Variants in RXRB observed in about 807,000 individuals in gnomAD.
RXRB encodes the protein retinoid X receptor beta.
Under a neutral mutation model 52.5 loss-of-function variants are expected in RXRB, and 18 were observed. That is an observed-to-expected ratio of 0.34 (90% confidence interval 0.24 to 0.51). The LOEUF is 0.51. RXRB is among the 20% of genes least tolerant of loss of function. The probability of loss-of-function intolerance (pLI) is 0.97; values close to 1 mark genes in which losing one functional copy is unlikely to be tolerated. For synonymous variants in RXRB, 233 were observed against 267.1 expected (o/e 0.87, Z 1.25); for missense variants, 455 against 698.2 (o/e 0.65, Z 3.92).
chr6:33,195,067 G>A lies in RXRB; in HGVS notation c.1349-17C>T. 6.4e-7 allele frequency: 1 copy of A among 1,559,518 alleles called. No homozygotes were observed. Among genetic ancestry groups the A allele is most frequent in the Non-Finnish European group, 8.8e-7 (1 of 1,131,564 alleles). On this transcript the variant is annotated splice_polypyrimidine_tract_variant and intron_variant, in intron 8 of 9. Coordinates refer to ENST00000374680, the MANE Select transcript of RXRB (RefSeq NM_021976.5). This position sits in a 1 kb window ranked among gnomAD's most constrained non-coding sequence, Gnocchi z 8.6. Reference sequence around the variant, plus strand: ...CCTTGGCATCTGGGATGGCAGGGAAGAGAGGAGGAAGAGAAATGAAGACAA... The same window carrying A: ...CCTTGGCATCTGGGATGGCAGGGAAAAGAGGAGGAAGAGAAATGAAGACAA...
chr6:33,196,585 C>T lies in RXRB; in HGVS notation c.842G>A (p.Arg281Gln), dbSNP rs1398113257. The T allele has an allele frequency of 3.1e-6, 5 of 1,610,942 alleles. No individual in the cohort carries two copies. Among genetic ancestry groups the T allele is most frequent in the Admixed American group, 1.7e-5 (1 of 59,718 alleles). The change falls in exon 5 of 10, where the codon CGG becomes CAG. Residue 281 changes from arginine to glutamine, a missense_variant. Around this residue, in one of 4 missense-constraint regions of RXRB, gnomAD observed 100 missense variants for 141.9 expected, o/e 0.70. Coordinates refer to ENST00000374680, the MANE Select transcript of RXRB (RefSeq NM_021976.5). This position sits in a 1 kb window ranked among gnomAD's most constrained non-coding sequence, Gnocchi z 4.0. ...KREAVQEERQ[R>Q]GKDKDGDGEG... ...CCCATCCCCATCCTTGTCCTTTCCCCGCTGACGCTCCTCCTGTACCGCTGC... is the reference window on the plus strand; with the variant it reads ...CCCATCCCCATCCTTGTCCTTTCCCTGCTGACGCTCCTCCTGTACCGCTGC...
At position 33,199,227 on chromosome 6, in the gene RXRB, G is replaced by A. The variant is rs781182486; in HGVS notation, c.425C>T (p.Ser142Phe). ...GGGAGCTGGAGGGGGCAGACCAGGG[G>A]ACCCCATGGAAGAACTGATGACTGG... is the stretch of plus-strand genomic sequence containing the variant. ...PFPVISSSMG[S>F]PGLPPPAPPG... The change falls in exon 2 of 10, where the codon TCC becomes TTC. Residue 142 changes from serine to phenylalanine, a missense_variant. Physicochemically the swap from Ser to Phe is radical, Grantham distance 155. This residue lies in a region of RXRB where 225 missense variants were observed against 258.6 expected (regional missense o/e 0.87). Coordinates refer to ENST00000374680, the MANE Select transcript of RXRB (RefSeq NM_021976.5). 14 of 1,208,670 alleles carry A rather than the reference G, an allele frequency of 1.2e-5. No homozygotes were observed. The highest frequency in any genetic ancestry group is 1.6e-5 in the African/African-American group (1 of 60,750). 74.9% of individuals were successfully genotyped at this position (1,208,670 alleles called of 1,614,324 possible).
In RXRB at chr6:33,196,100, A is replaced by C; in HGVS notation, c.994-64T>G. 1.2e-6 allele frequency: 2 copies of C among 1,602,336 alleles called. No homozygotes were observed. The highest frequency in any genetic ancestry group is 1.7e-6 in the Non-Finnish European group (2 of 1,172,046). On this transcript the variant is annotated intron_variant, in intron 5 of 9. Coordinates refer to ENST00000374680, the MANE Select transcript of RXRB (RefSeq NM_021976.5). The surrounding 1 kb of genome is among the most constrained non-coding windows in gnomAD (Gnocchi z 4.0). ...GATATGCTGGGAGCCCCCTTGTAAG[A>C]GGCTTTTGACACCCCCTCCTTACAT...
At position 33,196,384 on chromosome 6, in the gene RXRB, C is replaced by A. The variant is rs1773897428; in HGVS notation, c.993+50G>T. On this transcript the variant is annotated intron_variant, in intron 5 of 9. Transcript: ENST00000374680. This position sits in a 1 kb window ranked among gnomAD's most constrained non-coding sequence, Gnocchi z 4.0. ...GGGGATGTAGAACAGACCTAGACTG[C>A]CTCCCCCAACCCCCATCACGAAGGA... The A allele has an allele frequency of 3.2e-6, 5 of 1,566,920 alleles. No individual in the cohort carries two copies. The highest frequency in any genetic ancestry group is 4.4e-6 in the Non-Finnish European group (5 of 1,138,292).
rs1295683918 is a variant in RXRB at position 33,195,212 on chromosome 6, TC to T, written c.1348+150del. On this transcript the variant is annotated intron_variant, in intron 8 of 9. Transcript: ENST00000374680. This position sits in a 1 kb window ranked among gnomAD's most constrained non-coding sequence, Gnocchi z 8.6. ...GGGCCCACTGGGTTTGTGGGATGGATCCGTGGATGTGGGTTTTTCCTCGGCC... is the reference window on the plus strand; with the variant it reads ...GGGCCCACTGGGTTTGTGGGATGGATCGTGGATGTGGGTTTTTCCTCGGCC... 1.3e-6 allele frequency: 1 copy of T among 759,498 alleles called. No homozygotes were observed. Among genetic ancestry groups the T allele is most frequent in the African/African-American group, 1.7e-5 (1 of 58,384 alleles). The allele number at this position is 759,498 out of a possible 1,614,324, so 47.0% of individuals were successfully genotyped here.
chr6:33,200,738 C>T, upstream of RXRB: 1 of 1,544,794 alleles, frequency 6.5e-7, no homozygotes, highest in Non-Finnish European at 8.7e-7. This position sits in a 1 kb window ranked among gnomAD's most constrained non-coding sequence, Gnocchi z 6.3. Context: ...GCCTGTTAGC[C>T]CGCCTCGCCC....
In RXRB at chr6:33,200,546, T is replaced by A; in HGVS notation, c.-70A>T. 1 of 1,511,124 alleles carries A rather than the reference T, an allele frequency of 6.6e-7. No homozygotes were observed. Among genetic ancestry groups the A allele is most frequent in the Non-Finnish European group, 8.8e-7 (1 of 1,130,018 alleles). The allele number at this position is 1,511,124 out of a possible 1,614,324, so 93.6% of individuals were successfully genotyped here. On this transcript the variant is annotated 5_prime_UTR_variant, in exon 1 of 10. Transcript: ENST00000374680. This position sits in a 1 kb window ranked among gnomAD's most constrained non-coding sequence, Gnocchi z 6.3. Reference sequence around the variant, plus strand: ...CCCAAGGATTGATCGGAGGATTAGCTGAGCACGAGGAAGCCCCTGAGAGAA... The same window carrying A: ...CCCAAGGATTGATCGGAGGATTAGCAGAGCACGAGGAAGCCCCTGAGAGAA...
In RXRB at chr6:33,198,376, C is replaced by G. The variant is rs908633070; in HGVS notation, c.572G>C (p.Cys191Ser). 1 of 1,612,762 alleles carries G rather than the reference C, an allele frequency of 6.2e-7. No homozygotes were observed. The highest frequency in any genetic ancestry group is 8.5e-7 in the Non-Finnish European group (1 of 1,179,910). The change falls in exon 3 of 10, where the codon TGT (cysteine) becomes TCT (serine). Residue 191 changes from cysteine (C) to serine (S), a missense_variant. Physicochemically the swap from Cys to Ser is moderately radical, Grantham distance 112 (BLOSUM62 -1). Coordinates refer to ENST00000374680, the MANE Select transcript of RXRB (RefSeq NM_021976.5). ...PPVLGVRGLH[C>S]PPPPGGPGAG... ...CCCAGGGCCACCTGGAGGGGGTGGA[C>G]AGTGCAGGCCCCGGACCCCTAAGAC...
At position 33,198,563 on chromosome 6, in the gene RXRB, G is replaced by A. The variant is rs2744523; in HGVS notation, c.484-99C>T. The A allele has an allele frequency of 1.0e-3, 1,131 of 1,128,360 alleles. 13 individuals are homozygous for A. In the African/African-American group the frequency reaches 0.012, roughly 12 times the overall value. The allele number at this position is 1,128,360 out of a possible 1,614,324, so 69.9% of individuals were successfully genotyped here. ...ATTCCCTACCACTAAGCAAGGCCCT[G>A]CAATGCACATTCCAGAGGCTGTCAT... On this transcript the variant is annotated intron_variant, in intron 2 of 9. Transcript: ENST00000374680.
chr6:33,195,305 G>A lies in RXRB; in HGVS notation c.1348+58C>T. ...AGCTGGGTAACTTAGGAGTCTCGGAGAAGAGGAGGCTCCAAGGTTGCCTTG... is the reference window on the plus strand; with the variant it reads ...AGCTGGGTAACTTAGGAGTCTCGGAAAAGAGGAGGCTCCAAGGTTGCCTTG... On this transcript the variant is annotated intron_variant, in intron 8 of 9. Transcript: ENST00000374680. The surrounding 1 kb of genome is among the most constrained non-coding windows in gnomAD (Gnocchi z 8.6). 4 of 1,091,700 alleles carry A rather than the reference G, an allele frequency of 3.7e-6. No individual in the cohort carries two copies. The highest frequency in any genetic ancestry group is 4.7e-5 in the East Asian group (2 of 42,590). The allele number at this position is 1,091,700 out of a possible 1,614,324, so 67.6% of individuals were successfully genotyped here.
In RXRB at chr6:33,200,183, G is replaced by A; in HGVS notation, c.235+59C>T. 1.3e-6 allele frequency: 2 copies of A among 1,583,748 alleles called. No individual in the cohort carries two copies. The highest frequency in any genetic ancestry group is 8.6e-7 in the Non-Finnish European group (1 of 1,163,010). On this transcript the variant is annotated intron_variant, in intron 1 of 9. Coordinates refer to ENST00000374680, the MANE Select transcript of RXRB (RefSeq NM_021976.5). The surrounding 1 kb of genome is among the most constrained non-coding windows in gnomAD (Gnocchi z 6.3). ...AAAAGAGCACCGGGGGAGGGTGTGG[G>A]GGAGGGGTCGCAGATAAAGCGGTCA...
chr6:33,196,555 C>T lies in RXRB; in HGVS notation c.872G>A (p.Gly291Glu). The change falls in exon 5 of 10, where the codon GGG (glycine) becomes GAG (glutamate). Residue 291 changes from glycine (G) to glutamate (E), a missense_variant. Transcript: ENST00000374680. The surrounding 1 kb of genome is among the most constrained non-coding windows in gnomAD (Gnocchi z 4.0). ...CATCTCCTCGGGGGCTCCCCCAGCCCCCTCCCCATCCCCATCCTTGTCCTT... is the reference window on the plus strand; with the variant it reads ...CATCTCCTCGGGGGCTCCCCCAGCCTCCTCCCCATCCCCATCCTTGTCCTT... ...RGKDKDGDGE[G>E]AGGAPEEMPV... The T allele has an allele frequency of 6.2e-7, 1 of 1,612,638 alleles. No individual in the cohort carries two copies. The highest frequency in any genetic ancestry group is 8.5e-7 in the Non-Finnish European group (1 of 1,179,716).
rs1773872672 is a variant in RXRB at position 33,196,087 on chromosome 6, G to C, written c.994-51C>G. On this transcript the variant is annotated intron_variant, in intron 5 of 9. Transcript: ENST00000374680. This position sits in a 1 kb window ranked among gnomAD's most constrained non-coding sequence, Gnocchi z 4.0. ...TGGAAGATTTTGAGATATGCTGGGA[G>C]CCCCCTTGTAAGAGGCTTTTGACAC... The C allele has an allele frequency of 6.2e-7, 1 of 1,609,574 alleles. No homozygotes were observed. The highest frequency in any genetic ancestry group is 8.5e-7 in the Non-Finnish European group (1 of 1,177,464).
chr6:33,195,241 T>C lies in RXRB; in HGVS notation c.1348+122A>G. ...TGGATGTGGGTTTTTCCTCGGCCAG[T>C]TGGGAGATTTCCAGGTTGAGGGTCT... is the stretch of plus-strand genomic sequence containing the variant. On this transcript the variant is annotated intron_variant, in intron 8 of 9. Coordinates refer to ENST00000374680, the MANE Select transcript of RXRB (RefSeq NM_021976.5). The surrounding 1 kb of genome is among the most constrained non-coding windows in gnomAD (Gnocchi z 8.6). 2 of 801,750 alleles carry C rather than the reference T, an allele frequency of 2.5e-6. No homozygotes were observed. The highest frequency in any genetic ancestry group is 1.5e-5 in the South Asian group (1 of 66,606). 49.7% of individuals were successfully genotyped at this position (801,750 alleles called of 1,614,324 possible).
rs763402853 is a variant in RXRB at position 33,199,161 on chromosome 6, C to A, written c.483+8G>T. On this transcript the variant is annotated splice_region_variant and intron_variant, in intron 2 of 9. Transcript: ENST00000374680. Reference sequence around the variant, plus strand: ...TGGCCAGGCAGTAAGTTGGTCACAACCTCTCACCTGGGGGCTGCTGACAGG... The same window carrying A: ...TGGCCAGGCAGTAAGTTGGTCACAAACTCTCACCTGGGGGCTGCTGACAGG... 1 of 1,298,260 alleles carries A rather than the reference C, an allele frequency of 7.7e-7. No individual in the cohort carries two copies. Among genetic ancestry groups the A allele is most frequent in the South Asian group, 3.5e-5 (1 of 28,424 alleles). 80.4% of individuals were successfully genotyped at this position (1,298,260 alleles called of 1,614,324 possible).
rs766295375 is a variant in RXRB at position 33,199,189 on chromosome 6, C to T, written c.463G>A (p.Gly155Arg). ...LPPPAPPGFSGPVSSPQINST... is the reference protein window; with the variant it reads ...LPPPAPPGFSRPVSSPQINST... The stretch of plus-strand genomic sequence containing the variant: ...CTCACCTGGGGGCTGCTGACAGGCC[C>T]GGAGAATCCTGGGGGAGCTGGAGGG... Residue 155 changes from glycine to arginine, a missense_variant, in exon 2 of 10, where the codon GGG becomes AGG. By Grantham distance (125) the Gly-to-Arg change is moderately radical. Around this residue, in one of 4 missense-constraint regions of RXRB, gnomAD observed 225 missense variants for 258.6 expected, o/e 0.87. Coordinates refer to ENST00000374680, the MANE Select transcript of RXRB (RefSeq NM_021976.5). 1.5e-6 allele frequency: 2 copies of T among 1,291,984 alleles called. No homozygotes were observed. Among genetic ancestry groups the T allele is most frequent in the Non-Finnish European group, 2.0e-6 (2 of 1,015,218 alleles). 80.0% of individuals were successfully genotyped at this position (1,291,984 alleles called of 1,614,324 possible).
chr6:33,198,501 T>C, intron 2 of RXRB, 37 bp from the exon 3 acceptor site: 1 of 1,588,288 alleles, frequency 6.3e-7, no homozygotes, highest in Non-Finnish European at 8.6e-7. Context: ...CAGGAAGACT[T>C]ATTGGGAAGC....
At position 33,195,098 on chromosome 6, in the gene RXRB, A is replaced by C; in HGVS notation, c.1349-48T>G. On this transcript the variant is annotated intron_variant, in intron 8 of 9. Transcript: ENST00000374680. This position sits in a 1 kb window ranked among gnomAD's most constrained non-coding sequence, Gnocchi z 8.6. ...AGGAAGAGAAATGAAGACAAACCAAATCAGGATGGCCATGCAGATGTGAGC... is the reference window on the plus strand; with the variant it reads ...AGGAAGAGAAATGAAGACAAACCAACTCAGGATGGCCATGCAGATGTGAGC... The C allele has an allele frequency of 9.7e-6, 13 of 1,342,118 alleles. No homozygotes were observed. The highest frequency in any genetic ancestry group is 1.4e-5 in the African/African-American group (1 of 69,788). 83.1% of individuals were successfully genotyped at this position (1,342,118 alleles called of 1,614,324 possible). A position where few individuals can be genotyped will look rare whatever the true frequency, so the allele number is the denominator to read the frequency against.
intron 3 of RXRB, among the ~76,000 whole-genome samples, 167 bp downstream of exon 3, chr6:33,198,141 T>C (rs1031500964): frequency 3.3e-5 from 5 of 152,228 alleles, no homozygotes; most frequent in African/African-American, 1.2e-4. Flanking sequence ...CTTTTCCCTC[T>C]GACCTTCCCC....
Sources: allele counts gnomAD v4.1 joint callset (sites outside exome capture counted in the v4.1 genomes callset), GRCh38; gene constraint gnomAD v4.1.1; regional missense constraint gnomAD v4.1.1; non-coding constraint Gnocchi (gnomAD v3.1); transcripts MANE v1.5; gene names NCBI Gene and HGNC (gene_info 2026-07-23, HGNC 2026-07-21).